The following ZNF687 variants were observed in gnomAD, a reference collection of about 807,000 sequenced individuals.
The protein encoded by ZNF687 is zinc finger protein 687.
A neutral mutation model predicts 71.8 loss-of-function variants in ZNF687; 13 were observed. The observed-to-expected ratio is 0.18, with a 90% CI of 0.12 to 0.29. The LOEUF (loss-of-function observed/expected upper bound fraction) is 0.29, where lower values mean the gene tolerates loss of function less well. ZNF687 is among the 10% of genes least tolerant of loss of function. ZNF687 has a pLI of 1.00. For missense variants in ZNF687, 1,412 were observed against 1,625.6 expected (o/e 0.87, Z 2.26); for synonymous variants, 673 against 641.6 (o/e 1.05, Z -0.74).
At position 151,290,791 on chromosome 1, in the gene ZNF687, C is replaced by A. The variant is rs745983149; in HGVS notation, c.3296C>A (p.Ser1099Tyr). 1.2e-6 allele frequency: 2 copies of A among 1,613,764 alleles called. No individual in the cohort carries two copies. Among genetic ancestry groups the A allele is most frequent in the Middle Eastern group, 1.7e-4 (1 of 6,058 alleles). ...GACAGCACGACACCGCCAGCCAAGT[C>A]CCCCAGGGGCGGACCTGGATCTGGA... ...EPDSTTPPAK[S>Y]PRGGPGSGGH... The change falls in exon 9 of 9, where the codon TCC (serine) becomes TAC (tyrosine). Residue 1099 changes from serine to tyrosine, a missense_variant. Ser to Tyr is a moderately radical substitution (Grantham distance 144, BLOSUM62 -2). Around this residue, in one of 8 missense-constraint regions of ZNF687, gnomAD observed 284 missense variants for 359.2 expected, o/e 0.79. Transcript: ENST00000336715.
At chr1:151,282,812 T>C (rs1198643612) in intron 1 of ZNF687, among the ~76,000 whole-genome samples, 2 of 151,914 alleles carry the variant, frequency 1.3e-5, no homozygotes, top group African/African-American at 4.8e-5. Flanking sequence ...CGGGCAAGAC[T>C]CAGGCTTGCG....
At chr1:151,281,902 C>G, upstream of ZNF687, 1 of 719,766 alleles carries the variant, frequency 1.4e-6, no homozygotes, top group Non-Finnish European at 2.0e-6. Context: ...TGAACTGCAG[C>G]TTCAAGCTTC....
In ZNF687 at chr1:151,287,588, A is replaced by G; in HGVS notation, c.1297A>G (p.Ser433Gly). The G allele has an allele frequency of 6.2e-7, 1 of 1,613,852 alleles. No individual in the cohort carries two copies. Among genetic ancestry groups the G allele is most frequent in the Non-Finnish European group, 8.5e-7 (1 of 1,179,938 alleles). Residue 433 changes from serine (S) to glycine (G), a missense_variant, in exon 2 of 9, where the codon AGC (serine) becomes GGC (glycine). Coordinates refer to ENST00000336715, the MANE Select transcript of ZNF687 (RefSeq NM_020832.3). The surrounding 1 kb of genome is among the most constrained non-coding windows in gnomAD (Gnocchi z 5.0). ...GGTGCTGCCTGGGGGGACTGCCACC[A>G]GCCCTAAGATGATTGCTAAGAACGT... ...AVVLPGGTATSPKMIAKNVLG... is the reference protein window; with the variant it reads ...AVVLPGGTATGPKMIAKNVLG...
Position 151,286,897 on chromosome 1 carries a change from C to G in ZNF687, c.606C>G (p.Ala202=). The change falls in exon 2 of 9, where the codon GCC becomes GCG. Residue 202 remains alanine (A), a synonymous_variant. Transcript: ENST00000336715. ...CTTTCCCCTCTTCCTTTGAGCTGGC[C>G]CAGGAGAATGGCCCAGGCATGCAGC... ...PPPFPSSFEL[A]QENGPGMQPP... The G allele has an allele frequency of 6.2e-7, 1 of 1,613,312 alleles. No homozygotes were observed. Among genetic ancestry groups the G allele is most frequent in the African/African-American group, 1.3e-5 (1 of 75,020 alleles).
Position 151,286,975 on chromosome 1 carries a change from C to T in ZNF687, c.684C>T (p.Pro228=), listed in dbSNP as rs144210894. 249 of 1,605,240 alleles carry T rather than the reference C, an allele frequency of 1.6e-4. No individual in the cohort carries two copies. In the African/African-American group the frequency reaches 2.7e-3, roughly 18 times the overall value. ...LGALKQESCS[P]HHPQVLAQQG... is the part of the protein sequence containing the mutation. Reference sequence around the variant, plus strand: ...CCTTGAAGCAGGAGAGCTGCAGCCCCCATCATCCCCAGGTCCTAGCCCAAC... The same window carrying T: ...CCTTGAAGCAGGAGAGCTGCAGCCCTCATCATCCCCAGGTCCTAGCCCAAC... Residue 228 remains proline, a synonymous_variant, in exon 2 of 9, where the codon CCC becomes CCT. Coordinates refer to ENST00000336715, the MANE Select transcript of ZNF687 (RefSeq NM_020832.3).
chr1:151,288,538 C>A lies in ZNF687; in HGVS notation c.2126C>A (p.Thr709Asn). 6.2e-7 allele frequency: 1 copy of A among 1,604,954 alleles called. No individual in the cohort carries two copies. The highest frequency in any genetic ancestry group is 8.5e-7 in the Non-Finnish European group (1 of 1,173,930). The change falls in exon 3 of 9, where the codon ACC becomes AAC. Residue 709 changes from threonine (T) to asparagine (N), a missense_variant. Thr to Asn is a moderately conservative substitution (Grantham distance 65). Around this residue, in one of 8 missense-constraint regions of ZNF687, gnomAD observed 207 missense variants for 239.2 expected, o/e 0.87. Coordinates refer to ENST00000336715, the MANE Select transcript of ZNF687 (RefSeq NM_020832.3). ...APGATSNVCP[T>N]CPMMLPNRCS... ...TAACCCACTCGACAGGTGTGCCCAACCTGCCCCATGATGCTCCCCAATCGC... is the reference window on the plus strand; with the variant it reads ...TAACCCACTCGACAGGTGTGCCCAAACTGCCCCATGATGCTCCCCAATCGC...
Position 151,291,494 on chromosome 1 carries a change from G to A in ZNF687, c.*285G>A, listed in dbSNP as rs1410529826. ...GCAGAACCCCCAGTGTGGGCCTGGG[G>A]GTGGGAGGATGGGACTTAGGTATGC... On this transcript the variant is annotated 3_prime_UTR_variant, in exon 9 of 9. Coordinates refer to ENST00000336715, the MANE Select transcript of ZNF687 (RefSeq NM_020832.3). The A allele has an allele frequency of 2.6e-6, 1 of 380,798 alleles. No homozygotes were observed. 23.6% of individuals were successfully genotyped at this position (380,798 alleles called of 1,614,324 possible). A position where few individuals can be genotyped will look rare whatever the true frequency, so the allele number is the denominator to read the frequency against.
chr1:151,288,734 T>C, intron 3 of ZNF687, 28 bp downstream of exon 3: 1 of 1,590,134 alleles, frequency 6.3e-7, no homozygotes, highest in Non-Finnish European at 8.6e-7. Flanking sequence ...TCCATAGAAC[T>C]GTAGGGTTTC....
Position 151,289,947 on chromosome 1 carries a change from T to G in ZNF687, c.2904T>G (p.Cys968Trp). Residue 968 changes from cysteine to tryptophan, a missense_variant, in exon 6 of 9, where the codon TGT becomes TGG. Physicochemically the swap from Cys to Trp is radical, Grantham distance 215. Transcript: ENST00000336715. ...GGPGGWTCGL[C>W]HSWFPERDEY... ...CTGGAGGCTGGACCTGTGGCCTGTG[T>G]CACTCCTGGTTCCCTGAGCGTGATG... 1 of 1,566,936 alleles carries G rather than the reference T, an allele frequency of 6.4e-7. No homozygotes were observed. The highest frequency in any genetic ancestry group is 8.7e-7 in the Non-Finnish European group (1 of 1,153,772).
rs1227284771 is a variant in ZNF687, at chr1:151,288,588, A to G, written c.2176A>G (p.Met726Val). The change falls in exon 3 of 9, where the codon ATG (methionine) becomes GTG (valine). Residue 726 changes from methionine (M) to valine (V), a missense_variant. Transcript: ENST00000336715. ...CTGCAGCTTCAGCGCCCACCAGCGC[A>G]TGCATAAGAATCGACCCCCCCATGT... is the stretch of plus-strand genomic sequence containing the variant. ...NRCSFSAHQR[M>V]HKNRPPHVCP... 6 of 1,613,990 alleles carry G rather than the reference A, an allele frequency of 3.7e-6. No individual in the cohort carries two copies. The highest frequency in any genetic ancestry group is 3.3e-5 in the South Asian group (3 of 91,084).
Position 151,289,181 on chromosome 1 carries a change from G to C in ZNF687, c.2381G>C (p.Cys794Ser). The change falls in exon 4 of 9, where the codon TGC becomes TCC. Residue 794 changes from cysteine to serine, a missense_variant. Cys to Ser is a moderately radical substitution (Grantham distance 112). This residue lies in a region of ZNF687 where 106 missense variants were observed against 146.0 expected (regional missense o/e 0.73). Transcript: ENST00000336715. ...QTSHCEVFHK[C>S]PICPMAFKSG... Reference sequence around the variant, plus strand: ...TCGCACTGCGAGGTTTTCCACAAGTGCCCCATCTGCCCCATGGCCTTCAAG... The same window carrying C: ...TCGCACTGCGAGGTTTTCCACAAGTCCCCCATCTGCCCCATGGCCTTCAAG... 6.2e-7 allele frequency: 1 copy of C among 1,614,176 alleles called. No individual in the cohort carries two copies. The highest frequency in any genetic ancestry group is 8.5e-7 in the Non-Finnish European group (1 of 1,180,034).
chr1:151,281,949 TG>T, upstream of ZNF687: 1 of 1,136,674 alleles, frequency 8.8e-7, no homozygotes, highest in Non-Finnish European at 1.1e-6. Context: ...GAGACGCACC[TG>T]GGTGCTCCCC....
At chr1:151,283,861 A>G (rs1557766210) in intron 1 of ZNF687, 1 of 985,254 alleles carries the variant, frequency 1.0e-6, no homozygotes, top group Non-Finnish European at 1.2e-6. Flanking sequence ...CTCTAGTTAC[A>G]GTCTGAAGAC....
At position 151,286,951 on chromosome 1, in the gene ZNF687, C is replaced by A; in HGVS notation, c.660C>A (p.Ala220=). ...QPPVSSPPLG[A]LKQESCSPHH... ...CTGTTTCTTCCCCACCATTGGGGGC[C>A]TTGAAGCAGGAGAGCTGCAGCCCCC... The change falls in exon 2 of 9, where the codon GCC becomes GCA. Residue 220 remains alanine, a synonymous_variant. Transcript: ENST00000336715. 6.2e-7 allele frequency: 1 copy of A among 1,610,974 alleles called. No homozygotes were observed. The highest frequency in any genetic ancestry group is 8.5e-7 in the Non-Finnish European group (1 of 1,178,090).
At chr1:151,284,477 T>G (rs1693860499) in intron 1 of ZNF687, among the ~76,000 whole-genome samples, 1 of 152,164 alleles carries the variant, frequency 6.6e-6, no homozygotes, top group Admixed American at 6.5e-5. Context: ...TCTGTTCCTG[T>G]GTCTTATTCT....
chr1:151,290,339 G>C (rs774115401), intron 7 of ZNF687, 93 bp from the exon 8 acceptor site: 8 of 1,610,592 alleles, frequency 5.0e-6, no homozygotes, highest in Non-Finnish European at 6.8e-6. Flanking sequence ...GATGGTTGGG[G>C]TCTCCCTCTG....
chr1:151,290,910 G>T lies in ZNF687; in HGVS notation c.3415G>T (p.Asp1139Tyr). The T allele has an allele frequency of 6.2e-7, 1 of 1,614,000 alleles. No homozygotes were observed. Among genetic ancestry groups the T allele is most frequent in the African/African-American group, 1.3e-5 (1 of 75,006 alleles). ...GGAGGATGGTGCCCAGCAGTGCCTC[G>T]ACTGTGGCTTGTGCTTTGCCTCCCC... is the stretch of plus-strand genomic sequence containing the variant. Reference protein sequence around the residue: ...RVEDGAQQCLDCGLCFASPGS... With the variant: ...RVEDGAQQCLYCGLCFASPGS... The change falls in exon 9 of 9, where the codon GAC becomes TAC. Residue 1139 changes from aspartate (D) to tyrosine (Y), a missense_variant. By Grantham distance (160) the Asp-to-Tyr change is radical. Coordinates refer to ENST00000336715, the MANE Select transcript of ZNF687 (RefSeq NM_020832.3).
At chr1:151,285,614 A>C (rs587702098) in intron 1 of ZNF687, 1 of 152,132 alleles carries the variant, frequency 6.6e-6, no homozygotes, top group Non-Finnish European at 1.5e-5. Context: ...GGGTTTCACT[A>C]TCTTGGCCAG....
rs1247821258 is a variant in ZNF687, at chr1:151,290,491, A to G, written c.3137A>G (p.Gln1046Arg). ...CGCCTGATCCTAGAGAAACATGTCC[A>G]GGTCCGGCACGGCTTGCAGCTTGGG... ...SSRLILEKHV[Q>R]VRHGLQLGAQ... Residue 1046 changes from glutamine to arginine, a missense_variant, in exon 8 of 9, where the codon CAG becomes CGG. Transcript: ENST00000336715. 6.2e-7 allele frequency: 1 copy of G among 1,613,912 alleles called. No homozygotes were observed. Among genetic ancestry groups the G allele is most frequent in the African/African-American group, 1.3e-5 (1 of 74,944 alleles).
Sources: allele counts gnomAD v4.1 joint callset (sites outside exome capture counted in the v4.1 genomes callset), GRCh38; gene constraint gnomAD v4.1.1; regional missense constraint gnomAD v4.1.1; non-coding constraint Gnocchi (gnomAD v3.1); transcripts MANE v1.5; gene names NCBI Gene and HGNC (gene_info 2026-07-23, HGNC 2026-07-21).